UBR3: variants seen among roughly 807,000 people sequenced by gnomAD.
UBR3 encodes the protein ubiquitin protein ligase E3 component n-recognin 3.
Under a neutral mutation model 243.2 loss-of-function variants are expected in UBR3, and 85 were observed. The observed-to-expected ratio is 0.35, with a 90% CI of 0.29 to 0.42. The LOEUF (loss-of-function observed/expected upper bound fraction) is 0.42. Among genes scored for constraint, UBR3 ranks in the 10% least tolerant of loss-of-function variants. UBR3 has a pLI of 1.00. For missense variants in UBR3, 1,686 were observed against 2,300.8 expected, an observed-to-expected ratio of 0.73 and a Z score of 5.47; for synonymous variants, 748 against 799.8, an observed-to-expected ratio of 0.94 and a Z score of 1.09.
At chr2:169,895,574 T>C (rs1339398045) in intron 7 of UBR3, among the ~76,000 whole-genome samples, 1 of 152,204 alleles carries the variant, frequency 6.6e-6, no homozygotes, top group Non-Finnish European at 1.5e-5. Flanking sequence ...GAACAAACAT[T>C]GAAACCACAA....
chr2:169,886,195 A>G (rs1014694958), intron 5 of UBR3, among the ~76,000 whole-genome samples: 18 of 151,988 alleles, frequency 1.2e-4, no homozygotes, highest in African/African-American at 3.9e-4. Flanking sequence ...TTTTGGAGGC[A>G]TAAGGTTTAA....
At chr2:170,055,713 G>A in intron 33 of UBR3, 129 bp downstream of exon 33, 1 of 1,179,384 alleles carries the variant, frequency 8.5e-7, no homozygotes. Context: ...AGCACCTACA[G>A]GCTAAAAAAT....
intron 14 of UBR3, 67 bp downstream of exon 14, chr2:169,925,814 T>C (rs2085888875): frequency 1.4e-6 from 2 of 1,384,476 alleles, no homozygotes; most frequent in Admixed American, 2.9e-5. Flanking sequence ...GATTTTAATT[T>C]ATAGAGGTGA....
intron 29 of UBR3, among the ~76,000 whole-genome samples, chr2:170,013,109 C>T (rs548852901): frequency 4.1e-4 from 62 of 151,988 alleles, no homozygotes; most frequent in African/African-American, 1.4e-3. Flanking sequence ...GCAAAAAGCT[C>T]GGAAAACTTC....
At chr2:170,074,377 G>C (rs1388914826) in intron 36 of UBR3, among the ~76,000 whole-genome samples, 1 of 152,068 alleles carries the variant, frequency 6.6e-6, no homozygotes. Flanking sequence ...GTAGTGTCTA[G>C]TATATACAGC....
intron 18 of UBR3, among the ~76,000 whole-genome samples, chr2:169,930,267 A>C (rs2105348994): frequency 6.6e-6 from 1 of 152,300 alleles, no homozygotes; most frequent in South Asian, 2.1e-4. Context: ...GACTGTTCTG[A>C]ACAATGCTGA....
At position 169,928,855 on chromosome 2, in the gene UBR3, G is replaced by A; in HGVS notation, c.2553G>A (p.Met851Ile). The A allele has an allele frequency of 6.8e-7, 1 of 1,474,158 alleles. No individual in the cohort carries two copies. Among genetic ancestry groups the A allele is most frequent in the Non-Finnish European group, 9.1e-7 (1 of 1,094,370 alleles). The allele number at this position is 1,474,158 out of a possible 1,614,324, so 91.3% of individuals were successfully genotyped here. A position where few individuals can be genotyped will look rare whatever the true frequency, so the allele number is the denominator to read the frequency against. ...FEPGGSMQQGMYTPKAEVWDQ... is the reference protein window; with the variant it reads ...FEPGGSMQQGIYTPKAEVWDQ... ...CTGGAGGTTCTATGCAACAAGGCAT[G>A]TATACTCCCAAAGGTATGTTTATAT... The change falls in exon 18 of 39, where the codon ATG (methionine) becomes ATA (isoleucine). Residue 851 changes from methionine (M) to isoleucine (I), a missense_variant. Physicochemically the swap from Met to Ile is conservative, Grantham distance 10. This residue lies in a region of UBR3 where 346 missense variants were observed against 585.8 expected (regional missense o/e 0.59). Transcript: ENST00000272793.
intron 23 of UBR3, among the ~76,000 whole-genome samples, chr2:169,952,529 T>C (rs2087082463): frequency 6.6e-6 from 1 of 152,066 alleles, no homozygotes; most frequent in Non-Finnish European, 1.5e-5. Context: ...ACCTCGTCTC[T>C]ACTAAAAACA....
At chr2:169,874,239 G>T (rs2083526051) in intron 2 of UBR3, among the ~76,000 whole-genome samples, 1 of 151,650 alleles carries the variant, frequency 6.6e-6, no homozygotes, top group African/African-American at 2.4e-5. Context: ...TGCGATGTCA[G>T]CTCACCGCAG....
chr2:169,879,872 C>A (rs1204184413), intron 5 of UBR3, among the ~76,000 whole-genome samples: 5 of 152,006 alleles, frequency 3.3e-5, no homozygotes, highest in Non-Finnish European at 5.9e-5. Context: ...GAAAAATTTT[C>A]TGATATTTAA....
chr2:169,990,520 A>G (rs1171591077), intron 25 of UBR3, among the ~76,000 whole-genome samples: 1 of 152,146 alleles, frequency 6.6e-6, no homozygotes, highest in Non-Finnish European at 1.5e-5. Flanking sequence ...AGAACTGTAT[A>G]TCTAGATTTG....
rs1559167776 is a variant in UBR3 at position 169,994,435 on chromosome 2, A to G, written c.3897A>G (p.Leu1299=). 6.2e-7 allele frequency: 1 copy of G among 1,614,092 alleles called. No homozygotes were observed. Among genetic ancestry groups the G allele is most frequent in the South Asian group, 1.1e-5 (1 of 91,076 alleles). The change falls in exon 26 of 39, where the codon TTA becomes TTG. Residue 1299 remains leucine, a synonymous_variant. Transcript: ENST00000272793. ...CAAVHDVRLS[L]LQRYFKDSSC... Reference sequence around the variant, plus strand: ...CCGTTCATGATGTGAGGCTTTCATTATTACAGCGTTATTTTAAGGATGTAA... The same window carrying G: ...CCGTTCATGATGTGAGGCTTTCATTGTTACAGCGTTATTTTAAGGATGTAA...
At chr2:169,832,545 C>T (rs143443391) in intron 1 of UBR3, among the ~76,000 whole-genome samples, 8,219 of 151,280 alleles carry the variant, frequency 0.054, 406 homozygotes, top group African/African-American at 0.13. Context: ...CCAGCCTGGG[C>T]GACAGAGCGT....
At chr2:169,915,128 A>G (rs1428041620) in intron 11 of UBR3, among the ~76,000 whole-genome samples, 4 of 152,140 alleles carry the variant, frequency 2.6e-5, no homozygotes, top group Admixed American at 1.3e-4. Context: ...CAGTTGTCCC[A>G]TGATACCTTT....
At chr2:170,004,270 AG>A (rs1183442560) in intron 27 of UBR3, among the ~76,000 whole-genome samples, 1 of 152,160 alleles carries the variant, frequency 6.6e-6, no homozygotes, top group Non-Finnish European at 1.5e-5. Flanking sequence ...CTGGAGCATG[AG>A]GGGGAAGAAG....
At chr2:169,922,671 G>T (rs2085752370) in intron 11 of UBR3, among the ~76,000 whole-genome samples, 1 of 152,120 alleles carries the variant, frequency 6.6e-6, no homozygotes, top group Non-Finnish European at 1.5e-5. Flanking sequence ...GCTGCTCTAA[G>T]AACCTCATAT....
At chr2:169,920,058 C>G (rs1199588894) in intron 11 of UBR3, among the ~76,000 whole-genome samples, 1 of 152,142 alleles carries the variant, frequency 6.6e-6, no homozygotes, top group East Asian at 1.9e-4. Context: ...TTGGAACCAA[C>G]CCAAATGTCC....
intron 27 of UBR3, 84 bp from the exon 28 acceptor site, chr2:170,006,906 T>G: frequency 8.8e-7 from 1 of 1,130,488 alleles, no homozygotes; most frequent in Non-Finnish European, 1.3e-6. Flanking sequence ...TATGGTTTAT[T>G]AATTTACTAT....
chr2:169,979,079 G>A (rs1422766717), intron 24 of UBR3, among the ~76,000 whole-genome samples: 1 of 152,180 alleles, frequency 6.6e-6, no homozygotes, highest in Non-Finnish European at 1.5e-5. Context: ...AAATAACCTA[G>A]TTTTTAAAAT....
Sources: gnomAD v4.1 joint callset for allele counts (sites outside exome capture counted in the v4.1 genomes callset) on GRCh38, gnomAD v4.1.1 for gene constraint, gnomAD v4.1.1 regional missense constraint, MANE v1.5 for transcripts, NCBI Gene and HGNC (gene_info 2026-07-23, HGNC 2026-07-21) for gene names.